Variants in IGSF21 observed in about 807,000 individuals in gnomAD.
IGSF21 encodes immunoglobulin superfamily member 21.
IGSF21 carries 28 observed loss-of-function variants against 46.8 expected under a neutral mutation model. That is an observed-to-expected ratio of 0.60 (90% CI 0.44 to 0.82). IGSF21 has a LOEUF of 0.82. Ranked by LOEUF, IGSF21 falls within the 40% of genes least tolerant of loss-of-function variation. The pLI is 0.00. For synonymous variants in IGSF21, 284 were observed against 273.6 expected, an observed-to-expected ratio of 1.04 and a Z score of -0.38; for missense variants, 624 against 665.5, an observed-to-expected ratio of 0.94 and a Z score of 0.69.
At chr1:18,294,803 G>A (rs1304034935) in intron 3 of IGSF21, among the ~76,000 whole-genome samples, 1 of 152,268 alleles carries the variant, frequency 6.6e-6, no homozygotes, top group East Asian at 1.9e-4. Flanking sequence ...GGAGCCTAAC[G>A]GGATCACGGA....
At chr1:18,278,385 GC>G (rs551049351) in intron 2 of IGSF21, among the ~76,000 whole-genome samples, 22 of 149,620 alleles carry the variant, frequency 1.5e-4, no homozygotes, top group African/African-American at 5.2e-4. Flanking sequence ...GATTACAGGC[GC>G]CCCCCCAACA....
chr1:18,297,912 G>C (rs1009774449), intron 3 of IGSF21, among the ~76,000 whole-genome samples: 2 of 152,246 alleles, frequency 1.3e-5, no homozygotes, highest in Middle Eastern at 3.4e-3. Context: ...GATAGAGAGG[G>C]GTGAGAATAA....
chr1:18,339,030 G>A (rs2085801232), intron 4 of IGSF21, among the ~76,000 whole-genome samples: 1 of 152,148 alleles, frequency 6.6e-6, no homozygotes, highest in South Asian at 2.1e-4. Flanking sequence ...CAAGGGGCAG[G>A]GTTTCTCTGC....
At chr1:18,364,060 C>T (rs528724776) in intron 5 of IGSF21, among the ~76,000 whole-genome samples, 1 of 152,158 alleles carries the variant, frequency 6.6e-6, no homozygotes, top group South Asian at 2.1e-4. Flanking sequence ...AGGCTTTTCA[C>T]AGCCCAGGGG....
chr1:18,183,344 C>A (rs1482507972), intron 1 of IGSF21, among the ~76,000 whole-genome samples: 1 of 152,200 alleles, frequency 6.6e-6, no homozygotes, highest in African/African-American at 2.4e-5. Flanking sequence ...GAGAACTGGA[C>A]CATGTCTGTG....
In IGSF21 at chr1:18,365,763, T is replaced by C; in HGVS notation, c.1015+66T>C. ...CCTGGGTGTGGGGAGAGCCTTGGAA[T>C]AGGGTTCCTGGGCTGAGGACAGCCA... On this transcript the variant is annotated intron_variant, in intron 6 of 9. Transcript: ENST00000251296. This position sits in a 1 kb window ranked among gnomAD's most constrained non-coding sequence, Gnocchi z 4.8. 1 of 1,369,224 alleles carries C rather than the reference T, an allele frequency of 7.3e-7. No individual in the cohort carries two copies. The highest frequency in any genetic ancestry group is 2.1e-5 in the Admixed American group (1 of 48,706). 84.8% of individuals were successfully genotyped at this position (1,369,224 alleles called of 1,614,324 possible).
intron 1 of IGSF21, among the ~76,000 whole-genome samples, chr1:18,160,679 C>T (rs574124860): frequency 3.3e-5 from 5 of 152,192 alleles, no homozygotes; most frequent in Non-Finnish European, 7.3e-5. Flanking sequence ...CTGTCATAGT[C>T]ATTATAACCC....
chr1:18,342,163 A>C (rs35608348), intron 4 of IGSF21, among the ~76,000 whole-genome samples: 14,290 of 151,484 alleles, frequency 0.094, 860 homozygotes, highest in Middle Eastern at 0.14. Context: ...GCATGATCTC[A>C]ACTCACTGCA....
intron 1 of IGSF21, among the ~76,000 whole-genome samples, chr1:18,216,373 C>T (rs2124495626): frequency 6.6e-6 from 1 of 152,282 alleles, no homozygotes; most frequent in Non-Finnish European, 1.5e-5. Context: ...ACAGTCTGAA[C>T]TTTATCCTGA....
At chr1:18,248,645 T>C (rs2084806660) in intron 2 of IGSF21, among the ~76,000 whole-genome samples, 1 of 152,198 alleles carries the variant, frequency 6.6e-6, no homozygotes, top group Admixed American at 6.5e-5. Context: ...CAAGTCCACA[T>C]GGCGAGTTCT....
At chr1:18,256,251 C>T (rs1340532952) in intron 2 of IGSF21, among the ~76,000 whole-genome samples, 1 of 152,206 alleles carries the variant, frequency 6.6e-6, no homozygotes, top group Non-Finnish European at 1.5e-5. Context: ...CCTCAACTGC[C>T]AAGTCTGGGT....
At chr1:18,359,833 T>C (rs2086080771) in intron 4 of IGSF21, among the ~76,000 whole-genome samples, 1 of 152,220 alleles carries the variant, frequency 6.6e-6, no homozygotes, top group Non-Finnish European at 1.5e-5. Flanking sequence ...TTCAAATGTG[T>C]ACATACACCT....
At chr1:18,295,711 G>C (rs1216001735) in intron 3 of IGSF21, among the ~76,000 whole-genome samples, 1 of 152,210 alleles carries the variant, frequency 6.6e-6, no homozygotes, top group Non-Finnish European at 1.5e-5. Context: ...GGCAGTGCCA[G>C]CATCCTTGGT....
chr1:18,205,003 T>A (rs2087111866), intron 1 of IGSF21, among the ~76,000 whole-genome samples: 1 of 152,192 alleles, frequency 6.6e-6, no homozygotes, highest in South Asian at 2.1e-4. Context: ...CAAAAACTCC[T>A]GGAAAAGTTT....
At position 18,225,083 on chromosome 1, in the gene IGSF21, TCTCACACACACA is replaced by T. The variant is rs1321639767; in HGVS notation, c.71-2813_71-2802del. ...CTGTATCTCTCTCTCTCTCTCTCTC[TCTCACACACACA>T]CACACACACACACACACACACACAC... On this transcript the variant is annotated intron_variant, in intron 1 of 9. Transcript: ENST00000251296. Among the ~76,000 whole-genome samples, 275 of 54,898 alleles carry T rather than the reference TCTCACACACACA, an allele frequency of 5.0e-3. 3 individuals carry two copies. The highest frequency in any genetic ancestry group is 0.039 in the Admixed American group (182 of 4,652). 36.0% of individuals were successfully genotyped at this position (54,898 alleles called of 152,430 possible).
At chr1:18,294,684 C>T (rs139076265) in intron 3 of IGSF21, among the ~76,000 whole-genome samples, 1 of 152,344 alleles carries the variant, frequency 6.6e-6, no homozygotes, top group East Asian at 1.9e-4. Flanking sequence ...GGCCAATCTC[C>T]CTGAGCCTCA....
intron 1 of IGSF21, among the ~76,000 whole-genome samples, chr1:18,173,788 C>A (rs556927777): frequency 7.2e-5 from 11 of 152,362 alleles, no homozygotes; most frequent in South Asian, 2.1e-4. Context: ...GAGTCTCACT[C>A]TATCGCCCAG....
chr1:18,314,426 A>T (rs1294638559), intron 3 of IGSF21, among the ~76,000 whole-genome samples: 1 of 152,104 alleles, frequency 6.6e-6, no homozygotes. Flanking sequence ...GTCGCCCATT[A>T]TAGATAAAGA....
intron 8 of IGSF21, 80 bp from the exon 9 acceptor site, chr1:18,377,313 G>T: frequency 8.0e-7 from 1 of 1,252,628 alleles, no homozygotes; most frequent in South Asian, 1.2e-5. Flanking sequence ...CTCACAGCAG[G>T]TGCTGGGTAA....
Sources: allele counts gnomAD v4.1 joint callset (sites outside exome capture counted in the v4.1 genomes callset), GRCh38; gene constraint gnomAD v4.1.1; non-coding constraint Gnocchi (gnomAD v3.1); transcripts MANE v1.5; gene names NCBI Gene and HGNC (gene_info 2026-07-23, HGNC 2026-07-21).